The following PRUNE1 variants were observed in gnomAD, a reference collection of about 807,000 sequenced individuals.
The protein encoded by PRUNE1 is exopolyphosphatase PRUNE1.
A neutral mutation model predicts 42.5 loss-of-function variants in PRUNE1; 25 were observed. The ratio of observed to expected loss-of-function variants is 0.59; its 90% CI spans 0.43 to 0.82. The LOEUF is 0.82. Among genes scored for constraint, PRUNE1 ranks in the 40% least tolerant of loss-of-function variants. PRUNE1 has a pLI of 0.00. For missense variants in PRUNE1, 443 were observed against 539.3 expected, an observed-to-expected ratio of 0.82 and a Z score of 1.77; for synonymous variants, 203 against 217.1, an observed-to-expected ratio of 0.93 and a Z score of 0.57.
At chr1:151,026,192 C>T (rs1486050995) in intron 5 of PRUNE1, among the ~76,000 whole-genome samples, 1 of 151,798 alleles carries the variant, frequency 6.6e-6, no homozygotes, top group South Asian at 2.1e-4. Context: ...CGCAGTGGCT[C>T]ACGCCTGTAA....
intron 7 of PRUNE1, among the ~76,000 whole-genome samples, chr1:151,032,720 A>AAG (rs1675310769): frequency 6.6e-6 from 1 of 151,554 alleles, no homozygotes; most frequent in African/African-American, 2.4e-5. Context: ...TCTCAAAAAA[A>AAG]AAAAAAAATA....
chr1:151,024,208 T>C (rs1674674887), intron 3 of PRUNE1, among the ~76,000 whole-genome samples: 1 of 144,178 alleles, frequency 6.9e-6, no homozygotes, highest in African/African-American at 2.6e-5. Context: ...AAAAAAAGAA[T>C]TGAGAGGAGT....
intron 3 of PRUNE1, among the ~76,000 whole-genome samples, chr1:151,019,112 A>G (rs150292063): frequency 0.015 from 2,232 of 152,336 alleles, 52 homozygotes; most frequent in African/African-American, 0.048. Flanking sequence ...TATTAGATAT[A>G]GAAAAACAAC....
At chr1:151,033,675 C>G (rs1571824223) in intron 7 of PRUNE1, 131 bp from the exon 8 acceptor site, 1 of 845,806 alleles carries the variant, frequency 1.2e-6, no homozygotes, top group East Asian at 2.5e-5. Flanking sequence ...CAAGCGTGAG[C>G]CACCGCACCC....
Position 151,034,118 on chromosome 1 carries a change from GT to G in PRUNE1, c.1247del (p.Val416GlyfsTer6). On this transcript the variant is annotated frameshift_variant, in exon 8 of 8. Transcript: ENST00000271620. LOFTEE classifies it high-confidence loss of function. ...GCCCCCGACGCCCATGAACAGCTTG[GT>G]GGATGAGTGCCCTCTAGATCAGGGG... ...PLPPTPMNSL[V>X]DECPLDQGLP... The G allele has an allele frequency of 6.2e-7, 1 of 1,614,214 alleles. No individual in the cohort carries two copies. Among genetic ancestry groups the G allele is most frequent in the South Asian group, 1.1e-5 (1 of 91,084 alleles).
chr1:151,028,864 A>G lies in PRUNE1; in HGVS notation c.853A>G (p.Met285Val). Reference sequence around the variant, plus strand: ...TCACAGCTATGATGTCCTGGTTGCCATGACTATCTTTTTCAACACTCACAA... The same window carrying G: ...TCACAGCTATGATGTCCTGGTTGCCGTGACTATCTTTTTCAACACTCACAA... ...QAHSYDVLVAMTIFFNTHNEP... is the reference protein window; with the variant it reads ...QAHSYDVLVAVTIFFNTHNEP... The change falls in exon 7 of 8, where the codon ATG (methionine) becomes GTG (valine). Residue 285 changes from methionine (M) to valine (V), a missense_variant. Physicochemically the swap from Met to Val is conservative, Grantham distance 21. Coordinates refer to ENST00000271620, the MANE Select transcript of PRUNE1 (RefSeq NM_021222.3). The G allele has an allele frequency of 6.2e-7, 1 of 1,613,940 alleles. No homozygotes were observed. The highest frequency in any genetic ancestry group is 8.5e-7 in the Non-Finnish European group (1 of 1,179,910).
chr1:151,033,568 T>A (rs1675376982), intron 7 of PRUNE1, among the ~76,000 whole-genome samples: 1 of 151,570 alleles, frequency 6.6e-6, no homozygotes, highest in African/African-American at 2.4e-5. Context: ...TTTTTTGTAT[T>A]TTTAGTAGAG....
At chr1:151,010,022 C>T (rs187730271) in intron 1 of PRUNE1, among the ~76,000 whole-genome samples, 9 of 152,204 alleles carry the variant, frequency 5.9e-5, no homozygotes, top group African/African-American at 2.2e-4. Flanking sequence ...TATTTCTTTG[C>T]ATGCATCTAC....
At chr1:151,030,981 T>G (rs1427166543) in intron 7 of PRUNE1, among the ~76,000 whole-genome samples, 1 of 152,208 alleles carries the variant, frequency 6.6e-6, no homozygotes, top group Non-Finnish European at 1.5e-5. Flanking sequence ...GTAAGCACTT[T>G]GTAAATAGTG....
chr1:151,030,211 C>T (rs757072115), intron 7 of PRUNE1, among the ~76,000 whole-genome samples: 4 of 148,242 alleles, frequency 2.7e-5, no homozygotes, highest in South Asian at 2.1e-4. Context: ...TGCAGTGAGC[C>T]GAGATTGCGC....
intron 3 of PRUNE1, among the ~76,000 whole-genome samples, chr1:151,021,403 C>T (rs1299008310): frequency 6.6e-6 from 1 of 152,036 alleles, no homozygotes; most frequent in Admixed American, 6.6e-5. Flanking sequence ...TGCGGTGAGC[C>T]GAGATCATGC....
At chr1:151,025,857 C>T (rs778627807) in intron 5 of PRUNE1, among the ~76,000 whole-genome samples, 184 bp downstream of exon 5, 1 of 151,836 alleles carries the variant, frequency 6.6e-6, no homozygotes, top group African/African-American at 2.4e-5. Context: ...TCTCCTGCCT[C>T]AGCCTCCCGA....
At chr1:151,025,933 G>A (rs1421378778) in intron 5 of PRUNE1, among the ~76,000 whole-genome samples, 2 of 151,656 alleles carry the variant, frequency 1.3e-5, no homozygotes, top group Non-Finnish European at 2.9e-5. Context: ...TAAAGATCGG[G>A]TTTCACCATG....
At position 151,034,178 on chromosome 1, in the gene PRUNE1, A is replaced by T; in HGVS notation, c.1306A>T (p.Lys436Ter). 6.2e-7 allele frequency: 1 copy of T among 1,614,086 alleles called. No individual in the cohort carries two copies. The highest frequency in any genetic ancestry group is 1.1e-5 in the South Asian group (1 of 91,072). Residue 436 changes from lysine (K) to a stop codon, truncating the protein, a stop_gained, in exon 8 of 8, where the codon AAG (lysine) becomes TAG (stop). Transcript: ENST00000271620. LOFTEE classifies it high-confidence loss of function. Reference sequence around the variant, plus strand: ...ACTCTCTGCTGAGGCCGTCTTCGAGAAGTGCAGTCAGATCTCACTGTCACA... The same window carrying T: ...ACTCTCTGCTGAGGCCGTCTTCGAGTAGTGCAGTCAGATCTCACTGTCACA... ...PKLSAEAVFE[K>*]CSQISLSQST...
intron 7 of PRUNE1, among the ~76,000 whole-genome samples, chr1:151,033,413 T>C (rs1171430431): frequency 1.7e-5 from 2 of 115,270 alleles, no homozygotes; most frequent in African/African-American, 3.7e-5. Flanking sequence ...TTTTTTGAGA[T>C]GCAGTGTTGC....
intron 3 of PRUNE1, among the ~76,000 whole-genome samples, chr1:151,019,272 G>A (rs1269169440): frequency 6.6e-6 from 1 of 152,020 alleles, no homozygotes; most frequent in East Asian, 1.9e-4. Context: ...TTAAGATTTT[G>A]TGTGCCGGGT....
At chr1:151,015,704 T>C (rs1164840241) in intron 1 of PRUNE1, among the ~76,000 whole-genome samples, 2 of 150,378 alleles carry the variant, frequency 1.3e-5, no homozygotes, top group Non-Finnish European at 3.0e-5. Flanking sequence ...CTCAGGAGGC[T>C]GAGATGGGAG....
chr1:151,008,473 G>T lies in PRUNE1; in HGVS notation c.-160G>T. ...CGCCCGCTTACGCAGTTCCTCCCGG[G>T]GTCGGAGGCCGATTCGCCGTGTGGC... On this transcript the variant is annotated 5_prime_UTR_variant, in exon 1 of 8. Coordinates refer to ENST00000271620, the MANE Select transcript of PRUNE1 (RefSeq NM_021222.3). 8.7e-7 allele frequency: 1 copy of T among 1,149,296 alleles called. No individual in the cohort carries two copies. Among genetic ancestry groups the T allele is most frequent in the South Asian group, 1.4e-5 (1 of 73,958 alleles). 71.2% of individuals were successfully genotyped at this position (1,149,296 alleles called of 1,614,324 possible).
In PRUNE1 at chr1:151,024,785, C is replaced by A. The variant is rs1414606625; in HGVS notation, c.510C>A (p.Ala170=). The A allele has an allele frequency of 6.2e-7, 1 of 1,611,778 alleles. No homozygotes were observed. The highest frequency in any genetic ancestry group is 8.5e-7 in the Non-Finnish European group (1 of 1,178,910). Residue 170 remains alanine, a synonymous_variant, in exon 4 of 8, where the codon GCC becomes GCA. Transcript: ENST00000271620. ...AGATCTTGGACAGGCAAACTGCAGC[C>A]CTTCTGCATGGTAAGGGTGGCTTTT... ...APEILDRQTA[A]LLHGTIILDC...
Sources: gnomAD v4.1 joint callset for allele counts (sites outside exome capture counted in the v4.1 genomes callset) on GRCh38, gnomAD v4.1.1 for gene constraint, MANE v1.5 for transcripts, NCBI Gene and HGNC (gene_info 2026-07-23, HGNC 2026-07-21) for gene names.